Variants in DAO observed in about 807,000 individuals in gnomAD.
DAO encodes D-amino-acid oxidase.
Under a neutral mutation model 50.1 loss-of-function variants are expected in DAO, and 51 were observed. The ratio of observed to expected loss-of-function variants is 1.02; its 90% CI spans 0.81 to 1.29. The LOEUF (loss-of-function observed/expected upper bound fraction) is 1.29. DAO is among the 50% of genes most tolerant of loss of function. DAO has a pLI of 0.00. For missense variants in DAO, 436 were observed against 439.4 expected (o/e 0.99, Z 0.07); for synonymous variants, 160 against 166.2 (o/e 0.96, Z 0.29).
intron 2 of DAO, 116 bp from the exon 3 acceptor site, chr12:108,887,334 C>T: frequency 2.5e-6 from 2 of 798,788 alleles, no homozygotes; most frequent in Non-Finnish European, 4.6e-6. Context: ...TGGTGGATTT[C>T]TGGGTTTTGG....
Position 108,900,588 on chromosome 12 carries a change from C to A in DAO, c.*53C>A. On this transcript the variant is annotated 3_prime_UTR_variant, in exon 11 of 11. Coordinates refer to ENST00000228476, the MANE Select transcript of DAO (RefSeq NM_001917.5). ...ACAAGAACTCCCTTCTCCCCTCAGC[C>A]AATGAATCAATGTGCTCCTTCATAA... 6.2e-7 allele frequency: 1 copy of A among 1,602,472 alleles called. No individual in the cohort carries two copies. Among genetic ancestry groups the A allele is most frequent in the Non-Finnish European group, 8.5e-7 (1 of 1,171,776 alleles).
At chr12:108,896,070 A>G (rs1251058433) in intron 7 of DAO, among the ~76,000 whole-genome samples, 1 of 151,502 alleles carries the variant, frequency 6.6e-6, no homozygotes, top group African/African-American at 2.4e-5. Context: ...TAGCAGCGAG[A>G]GAATGATTGC....
intron 1 of DAO, among the ~76,000 whole-genome samples, chr12:108,881,567 A>C (rs2039380383): frequency 6.6e-6 from 1 of 151,520 alleles, no homozygotes; most frequent in Non-Finnish European, 1.5e-5. Flanking sequence ...AAAAAAAGAT[A>C]ATTGACTTAG....
In DAO at chr12:108,898,650, C is replaced by T. The variant is rs780457247; in HGVS notation, c.696-29C>T. ...TCATCTCAGAGCCTTCATTTTCCTTCATCCTTGACCCTCCTCATTTGTATC... is the reference window on the plus strand; with the variant it reads ...TCATCTCAGAGCCTTCATTTTCCTTTATCCTTGACCCTCCTCATTTGTATC... On this transcript the variant is annotated intron_variant, in intron 8 of 10. Transcript: ENST00000228476. 3.8e-5 allele frequency: 56 copies of T among 1,473,804 alleles called. 2 individuals are homozygous for T. In the South Asian group the frequency reaches 6.1e-4, roughly 16 times the overall value. 91.3% of individuals were successfully genotyped at this position (1,473,804 alleles called of 1,614,324 possible).
rs76245892 is a variant in DAO at position 108,884,090 on chromosome 12, G to A, written c.-9-908G>A. ...TAGCTTCAAGGTTAAAAGCTGGTAG[G>A]CCTTCTAAACTTCTCAGGGCCCAAT... is the stretch of plus-strand genomic sequence containing the variant. On this transcript the variant is annotated intron_variant, in intron 1 of 10. Transcript: ENST00000228476. 9.3e-3 allele frequency among the ~76,000 whole-genome samples: 1,420 copies of A among 152,366 alleles called. 11 individuals are homozygous for A. Among genetic ancestry groups the A allele is most frequent in the Non-Finnish European group, 0.014 (945 of 68,034 alleles).
intron 2 of DAO, among the ~76,000 whole-genome samples, chr12:108,886,086 C>CTATG (rs2137343104): frequency 6.7e-6 from 1 of 148,846 alleles, no homozygotes; most frequent in South Asian, 2.1e-4. Flanking sequence ...TAGGGTCTCA[C>CTATG]TATGTTGCCC....
chr12:108,884,738 C>T (rs558447077), intron 1 of DAO, among the ~76,000 whole-genome samples: 10 of 152,132 alleles, frequency 6.6e-5, no homozygotes, highest in Middle Eastern at 6.8e-3. Flanking sequence ...TGTCTGGGGA[C>T]GCTCCCCAGA....
intron 6 of DAO, among the ~76,000 whole-genome samples, chr12:108,893,762 C>A (rs1320698238): frequency 6.6e-6 from 1 of 152,108 alleles, no homozygotes; most frequent in Non-Finnish European, 1.5e-5. Flanking sequence ...GCTCACGATG[C>A]GTGCTTGAGA....
Position 108,898,712 on chromosome 12 carries a change from G to T in DAO, c.729G>T (p.Gln243His). ...CAGTTACTCTTGGAGGCATCTTCCAGTTGGGAAACTGGAGTGAACTAAACA... is the reference window on the plus strand; with the variant it reads ...CAGTTACTCTTGGAGGCATCTTCCATTTGGGAAACTGGAGTGAACTAAACA... ...TQTVTLGGIF[Q>H]LGNWSELNNI... Residue 243 changes from glutamine (Q) to histidine (H), a missense_variant, in exon 9 of 11, where the codon CAG becomes CAT. Coordinates refer to ENST00000228476, the MANE Select transcript of DAO (RefSeq NM_001917.5). The T allele has an allele frequency of 6.2e-7, 1 of 1,614,002 alleles. No homozygotes were observed. The highest frequency in any genetic ancestry group is 1.1e-5 in the South Asian group (1 of 91,080).
chr12:108,894,727 GTTA>G (rs758580311), intron 7 of DAO, among the ~76,000 whole-genome samples: 11 of 151,542 alleles, frequency 7.3e-5, no homozygotes, highest in Non-Finnish European at 1.6e-4. Flanking sequence ...TATTATCATT[GTTA>G]TTATTATTTT....
intron 1 of DAO, 48 bp from the exon 2 acceptor site, chr12:108,884,949 GA>G: frequency 2.6e-6 from 4 of 1,555,576 alleles, no homozygotes; most frequent in Non-Finnish European, 3.5e-6. Flanking sequence ...CGCTAAGGAT[GA>G]TGGAGATGAT....
At chr12:108,895,249 G>T (rs1187505771) in intron 7 of DAO, among the ~76,000 whole-genome samples, 2 of 151,902 alleles carry the variant, frequency 1.3e-5, no homozygotes, top group Non-Finnish European at 2.9e-5. Flanking sequence ...GCATATGAGG[G>T]TATGTGTGTG....
At chr12:108,881,198 A>AC (rs1555244705) in intron 1 of DAO, among the ~76,000 whole-genome samples, 13 of 144,970 alleles carry the variant, frequency 9.0e-5, no homozygotes, top group South Asian at 2.2e-4. Flanking sequence ...ACACACACAC[A>AC]AATATAATAA....
chr12:108,895,746 C>T (rs954747040), intron 7 of DAO, among the ~76,000 whole-genome samples: 15 of 143,744 alleles, frequency 1.0e-4, no homozygotes, highest in Non-Finnish European at 6.1e-5. Flanking sequence ...TGTGTGTGTG[C>T]ATGTGTGTGA....
At chr12:108,898,287 A>G (rs947786187) in intron 8 of DAO, among the ~76,000 whole-genome samples, 1 of 152,098 alleles carries the variant, frequency 6.6e-6, no homozygotes, top group African/African-American at 2.4e-5. Context: ...TGACACTATC[A>G]ATGATGTTAA....
At chr12:108,888,766 C>T (rs948429960) in intron 3 of DAO, among the ~76,000 whole-genome samples, 1 of 152,088 alleles carries the variant, frequency 6.6e-6, no homozygotes, top group Non-Finnish European at 1.5e-5. Flanking sequence ...TTTCTCTCAT[C>T]CCCGGGGACT....
intron 8 of DAO, among the ~76,000 whole-genome samples, chr12:108,897,883 G>A (rs1479026957): frequency 3.3e-5 from 5 of 151,748 alleles, no homozygotes. Context: ...GGAGGTTGAG[G>A]ATGCAGTGAG....
rs533964788 is a variant in DAO at position 108,892,908 on chromosome 12, C to G, written c.453-74C>G. On this transcript the variant is annotated intron_variant, in intron 5 of 10. Coordinates refer to ENST00000228476, the MANE Select transcript of DAO (RefSeq NM_001917.5). ...CCGCAGAAGGTTGTTTGGGAAAGGTCCCTGTGCCACCCTCTTGGTGGGATG... is the reference window on the plus strand; with the variant it reads ...CCGCAGAAGGTTGTTTGGGAAAGGTGCCTGTGCCACCCTCTTGGTGGGATG... The G allele has an allele frequency of 6.4e-4, 887 of 1,389,756 alleles. 16 individuals are homozygous for G. In the South Asian group the frequency reaches 9.8e-3, roughly 15 times the overall value. The allele number at this position is 1,389,756 out of a possible 1,614,324, so 86.1% of individuals were successfully genotyped here. A position where few individuals can be genotyped will look rare whatever the true frequency, so the allele number is the denominator to read the frequency against.
chr12:108,896,328 C>G (rs1717670855), intron 7 of DAO, among the ~76,000 whole-genome samples: 2 of 144,142 alleles, frequency 1.4e-5, no homozygotes, highest in African/African-American at 2.6e-5. Context: ...GAGGCTGACG[C>G]AGGAGAATCG....
Sources: allele counts gnomAD v4.1 joint callset (sites outside exome capture counted in the v4.1 genomes callset), GRCh38; gene constraint gnomAD v4.1.1; transcripts MANE v1.5; gene names NCBI Gene and HGNC (gene_info 2026-07-23, HGNC 2026-07-21).